Variants in GABRB1 observed in about 807,000 individuals in gnomAD.
GABRB1 encodes gamma-aminobutyric acid receptor subunit beta-1.
A neutral mutation model predicts 51.6 loss-of-function variants in GABRB1; 17 were observed. That is an observed-to-expected ratio of 0.33 (90% CI 0.23 to 0.49). The LOEUF (loss-of-function observed/expected upper bound fraction) is 0.49, where lower values mean the gene tolerates loss of function less well. GABRB1 is among the 20% of genes least tolerant of loss of function. The pLI, the probability that GABRB1 is intolerant of heterozygous loss-of-function variation, is 0.99. For synonymous variants in GABRB1, 247 were observed against 218.9 expected (o/e 1.13, Z -1.14); for missense variants, 410 against 600.6 (o/e 0.68, Z 3.32).
At chr4:47,363,346 A>G (rs1253004791) in intron 5 of GABRB1, among the ~76,000 whole-genome samples, 1 of 152,052 alleles carries the variant, frequency 6.6e-6, no homozygotes, top group African/African-American at 2.4e-5. Context: ...ACCATATACC[A>G]TGGACCATGA....
chr4:47,196,476 C>G (rs1372811768), intron 4 of GABRB1, among the ~76,000 whole-genome samples: 1 of 152,058 alleles, frequency 6.6e-6, no homozygotes, highest in African/African-American at 2.4e-5. Context: ...CATGGACGGC[C>G]CTTGTAGAAC....
intron 5 of GABRB1, among the ~76,000 whole-genome samples, chr4:47,335,212 GC>G (rs753000562): frequency 9.2e-5 from 14 of 152,016 alleles, no homozygotes; most frequent in Non-Finnish European, 1.6e-4. Context: ...CATCCTGTCT[GC>G]AGTAACGATA....
intron 3 of GABRB1, among the ~76,000 whole-genome samples, chr4:47,062,212 G>T (rs529270297): frequency 1.3e-5 from 2 of 151,902 alleles, no homozygotes; most frequent in African/African-American, 2.4e-5. Flanking sequence ...AAATCAGACA[G>T]GGTCATTTTC....
At chr4:47,336,692 C>A (rs770005797) in intron 5 of GABRB1, among the ~76,000 whole-genome samples, 7 of 152,182 alleles carry the variant, frequency 4.6e-5, no homozygotes, top group Non-Finnish European at 8.8e-5. Context: ...CCTGATAGTG[C>A]AAGTTGGATG....
intron 3 of GABRB1, among the ~76,000 whole-genome samples, chr4:47,040,097 T>G (rs954809386): frequency 6.6e-6 from 1 of 152,292 alleles, no homozygotes; most frequent in African/African-American, 2.4e-5. Context: ...AAATCTTACA[T>G]GTATGTGTCC....
At chr4:47,161,007 G>T (rs1717927556) in intron 3 of GABRB1, among the ~76,000 whole-genome samples, 1 of 151,804 alleles carries the variant, frequency 6.6e-6, no homozygotes, top group South Asian at 2.1e-4. Flanking sequence ...TCCGTAGGCT[G>T]GTCTTGAACT....
chr4:47,173,814 G>A (rs932600829), intron 4 of GABRB1, among the ~76,000 whole-genome samples: 1 of 152,070 alleles, frequency 6.6e-6, no homozygotes, highest in Non-Finnish European at 1.5e-5. Flanking sequence ...TCATCACACT[G>A]CTGCCCTGCT....
intron 4 of GABRB1, among the ~76,000 whole-genome samples, chr4:47,188,159 T>C (rs1719265483): frequency 6.6e-6 from 1 of 151,946 alleles, no homozygotes; most frequent in Non-Finnish European, 1.5e-5. Flanking sequence ...TGGGTTTGGA[T>C]GAAAGAATGA....
chr4:47,246,329 CATATGTACATATATATATATAT>C (rs1352906928), intron 4 of GABRB1, among the ~76,000 whole-genome samples: 14 of 29,022 alleles, frequency 4.8e-4, no homozygotes, highest in African/African-American at 9.1e-4. Context: ...CACACACACA[CATATGTACATATATATATATAT>C]ATATATATAT....
At chr4:47,238,023 CA>C (rs1418061158) in intron 4 of GABRB1, among the ~76,000 whole-genome samples, 5 of 151,654 alleles carry the variant, frequency 3.3e-5, no homozygotes, top group African/African-American at 1.2e-4. Flanking sequence ...ATAACTCAAT[CA>C]AAAAACATGT....
At chr4:47,159,072 T>A (rs1717825108) in intron 3 of GABRB1, among the ~76,000 whole-genome samples, 1 of 151,494 alleles carries the variant, frequency 6.6e-6, no homozygotes, top group Non-Finnish European at 1.5e-5. Context: ...AGGCCAGGAA[T>A]TTGAGACCAG....
intron 5 of GABRB1, among the ~76,000 whole-genome samples, chr4:47,327,378 A>G (rs1361720477): frequency 6.6e-6 from 1 of 152,106 alleles, no homozygotes; most frequent in Non-Finnish European, 1.5e-5. Flanking sequence ...AAGAAAAAAA[A>G]AACTATTTCA....
At chr4:47,207,722 C>G (rs1479639575) in intron 4 of GABRB1, among the ~76,000 whole-genome samples, 1 of 152,112 alleles carries the variant, frequency 6.6e-6, no homozygotes, top group African/African-American at 2.4e-5. Flanking sequence ...AGTGCCTTCT[C>G]TTCACCTACA....
intron 4 of GABRB1, among the ~76,000 whole-genome samples, chr4:47,212,992 A>T (rs537076002): frequency 6.6e-6 from 1 of 152,288 alleles, no homozygotes; most frequent in East Asian, 1.9e-4. Flanking sequence ...TGCACGACAT[A>T]CATGGATGCC....
At chr4:47,344,723 G>GT (rs139175850) in intron 5 of GABRB1, among the ~76,000 whole-genome samples, 9,426 of 151,646 alleles carry the variant, frequency 0.062, 513 homozygotes, top group East Asian at 0.28. Flanking sequence ...GTGTTTTTTT[G>GT]TTTTTTGTTT....
At chr4:47,010,548 C>G (rs1413857739) in intron 1 of GABRB1, among the ~76,000 whole-genome samples, 1 of 152,222 alleles carries the variant, frequency 6.6e-6, no homozygotes, top group Non-Finnish European at 1.5e-5. Context: ...GCAGAGCTTA[C>G]TTTATTTTGT....
chr4:47,332,568 G>A (rs74539803), intron 5 of GABRB1, among the ~76,000 whole-genome samples: 9,518 of 152,074 alleles, frequency 0.063, 502 homozygotes, highest in East Asian at 0.28. Flanking sequence ...ACTTTTAAAG[G>A]GAGCTTTTAA....
intron 5 of GABRB1, among the ~76,000 whole-genome samples, chr4:47,369,514 T>G: frequency 6.6e-6 from 1 of 152,100 alleles, no homozygotes. Context: ...TTCCTTAGAA[T>G]TAAACCAGTA....
At chr4:47,056,908 C>A (rs540401386) in intron 3 of GABRB1, among the ~76,000 whole-genome samples, 1 of 152,244 alleles carries the variant, frequency 6.6e-6, no homozygotes, top group Admixed American at 6.5e-5. Context: ...GAGTTTGAGA[C>A]CAGCCTGCCC....
Sources: gnomAD v4.1 joint callset for allele counts (sites outside exome capture counted in the v4.1 genomes callset) on GRCh38, gnomAD v4.1.1 for gene constraint, MANE v1.5 for transcripts, NCBI Gene and HGNC (gene_info 2026-07-23, HGNC 2026-07-21) for gene names.